Variants in COL23A1 observed in about 807,000 individuals in gnomAD.
The protein encoded by COL23A1 is collagen type XXIII alpha 1 chain, also known as collagen alpha-1(XXIII) chain.
In COL23A1, 97 loss-of-function variants were observed where a neutral mutation model predicts 99.3. The ratio of observed to expected loss-of-function variants is 0.98; its 90% CI spans 0.83 to 1.16. COL23A1 has a LOEUF of 1.16. Ranked by LOEUF, COL23A1 falls within the 50% of genes most tolerant of loss-of-function variation. The pLI is 0.00. For synonymous variants in COL23A1, 320 were observed against 308.2 expected, an observed-to-expected ratio of 1.04 and a Z score of -0.40; for missense variants, 762 against 757.4, an observed-to-expected ratio of 1.01 and a Z score of -0.07.
At chr5:178,508,467 G>A (rs1264542895) in intron 2 of COL23A1, among the ~76,000 whole-genome samples, 1 of 152,158 alleles carries the variant, frequency 6.6e-6, no homozygotes, top group African/African-American at 2.4e-5. Context: ...TTCAGAGTCT[G>A]GATCTTGTTT....
chr5:178,585,434 C>T (rs376893843), intron 1 of COL23A1, among the ~76,000 whole-genome samples: 10,289 of 126,904 alleles, frequency 0.081, 533 homozygotes, highest in East Asian at 0.31. Flanking sequence ...CCCTGGTTGA[C>T]ACTGGGGTAA....
intron 1 of COL23A1, among the ~76,000 whole-genome samples, chr5:178,578,201 T>C (rs1021089732): frequency 2.0e-5 from 3 of 151,016 alleles, no homozygotes; most frequent in African/African-American, 7.3e-5. Context: ...CGTGCACACA[T>C]ACACCCATGT....
At chr5:178,526,815 G>A (rs1760337473) in intron 2 of COL23A1, among the ~76,000 whole-genome samples, 1 of 152,174 alleles carries the variant, frequency 6.6e-6, no homozygotes, top group African/African-American at 2.4e-5. Context: ...CAGACATGGG[G>A]CTCCATAAAT....
intron 2 of COL23A1, 77 bp downstream of exon 2, chr5:178,560,605 G>C: frequency 2.2e-6 from 3 of 1,364,252 alleles, no homozygotes; most frequent in African/African-American, 2.9e-5. Context: ...CCACCTTCCG[G>C]ACCATGCTGT....
chr5:178,269,364 CACCCACCCATCT>C (rs1561809712), intron 6 of COL23A1, among the ~76,000 whole-genome samples: 2 of 38,294 alleles, frequency 5.2e-5, no homozygotes, highest in Non-Finnish European at 1.7e-4. Flanking sequence ...CCCACCCATC[CACCCACCCATCT>C]ATCCATCCAT....
Position 178,337,706 on chromosome 5 carries a change from C to T in COL23A1, c.362-30787G>A, listed in dbSNP as rs558552728. ...TCCAGGACTGCAGGCTTCCTCTGTC[C>T]CCAGAGACTGAGGCTGCTCCACAGA... On this transcript the variant is annotated intron_variant, in intron 2 of 28. Transcript: ENST00000390654. Among the ~76,000 whole-genome samples, 14 of 152,190 alleles carry T rather than the reference C, an allele frequency of 9.2e-5. No homozygotes were observed. In the East Asian group the frequency reaches 2.7e-3, roughly 29 times the overall value.
chr5:178,452,689 GAA>G (rs1208066121), intron 2 of COL23A1, among the ~76,000 whole-genome samples: 1 of 152,126 alleles, frequency 6.6e-6, no homozygotes, highest in African/African-American at 2.4e-5. Flanking sequence ...ACAGAAAAGG[GAA>G]AGAGGTTCAA....
At chr5:178,295,866 A>C (rs1335557806) in intron 3 of COL23A1, among the ~76,000 whole-genome samples, 2 of 152,230 alleles carry the variant, frequency 1.3e-5, no homozygotes, top group Non-Finnish European at 2.9e-5. Context: ...ATAGAATGGC[A>C]TGTAGTAAAA....
At chr5:178,249,411 G>A (rs918183416) in intron 18 of COL23A1, among the ~76,000 whole-genome samples, 7 of 152,226 alleles carry the variant, frequency 4.6e-5, no homozygotes, top group African/African-American at 1.2e-4. Context: ...GCATCCGGGT[G>A]TGGGCACCGC....
chr5:178,267,780 C>T lies in COL23A1; in HGVS notation c.496-447G>A, dbSNP rs138379757. Among the ~76,000 whole-genome samples the T allele has an allele frequency of 8.7e-3, 1,324 of 152,342 alleles. 13 individuals are homozygous for T. Among genetic ancestry groups the T allele is most frequent in the Non-Finnish European group, 0.012 (848 of 68,022 alleles). ...CCCTGATGGAATCACTTCTATGACA[C>T]GGTGGCATCAGCCAAGGCCGGCAGG... On this transcript the variant is annotated intron_variant, in intron 7 of 28. Transcript: ENST00000390654.
chr5:178,247,906 A>G, intron 20 of COL23A1, 75 bp from the exon 21 acceptor site: 2 of 1,304,268 alleles, frequency 1.5e-6, no homozygotes, highest in Non-Finnish European at 2.2e-6. Context: ...CTCATCGCAC[A>G]CTGCTGGATC....
At chr5:178,403,960 G>A (rs113449415) in intron 2 of COL23A1, among the ~76,000 whole-genome samples, 2 of 152,350 alleles carry the variant, frequency 1.3e-5, no homozygotes, top group African/African-American at 4.8e-5. Flanking sequence ...AAGAATGACG[G>A]ATTTTTCTAA....
rs115921548 is a variant in COL23A1 at position 178,574,512 on chromosome 5, T to C, written c.295-13764A>G. On this transcript the variant is annotated intron_variant, in intron 1 of 28. Coordinates refer to ENST00000390654, the MANE Select transcript of COL23A1 (RefSeq NM_173465.4). ...CCCTCCATTTGTCCAAGCATTCTAC[T>C]CGCCACGGGGTTGGATGCTACACAG... 3.8e-3 allele frequency among the ~76,000 whole-genome samples: 586 copies of C among 152,262 alleles called. 6 individuals are homozygous for C. Among genetic ancestry groups the C allele is most frequent in the African/African-American group, 0.013 (544 of 41,552 alleles).
intron 2 of COL23A1, among the ~76,000 whole-genome samples, chr5:178,541,337 C>T (rs1390091576): frequency 6.6e-6 from 1 of 152,200 alleles, no homozygotes; most frequent in African/African-American, 2.4e-5. Context: ...CCTGTAATCC[C>T]AGCACTTTGG....
chr5:178,546,669 A>T (rs1761597437), intron 2 of COL23A1, among the ~76,000 whole-genome samples: 1 of 152,226 alleles, frequency 6.6e-6, no homozygotes, highest in African/African-American at 2.4e-5. Flanking sequence ...ACCAAATGCA[A>T]GGATGAAGGG....
intron 2 of COL23A1, among the ~76,000 whole-genome samples, chr5:178,535,736 C>G (rs185501206): frequency 1.3e-5 from 2 of 152,260 alleles, no homozygotes; most frequent in East Asian, 1.9e-4. Context: ...GTGCCCAGCA[C>G]GAAGTGCACA....
chr5:178,498,205 AAT>A (rs1159261586), intron 2 of COL23A1, among the ~76,000 whole-genome samples: 769 of 34,226 alleles, frequency 0.022, 7 homozygotes, highest in South Asian at 0.031. Flanking sequence ...TCTTTATTTA[AAT>A]ATATATATAT....
At chr5:178,401,946 G>A (rs1764470918) in intron 2 of COL23A1, among the ~76,000 whole-genome samples, 1 of 152,106 alleles carries the variant, frequency 6.6e-6, no homozygotes. Context: ...CTCCCAAGTA[G>A]CTGGGATTAC....
chr5:178,465,860 C>T (rs1756389569), intron 2 of COL23A1, among the ~76,000 whole-genome samples: 1 of 152,164 alleles, frequency 6.6e-6, no homozygotes, highest in African/African-American at 2.4e-5. Flanking sequence ...GTGGTCAGTA[C>T]CAACCAGCGG....
Sources: gnomAD v4.1 joint callset for allele counts (sites outside exome capture counted in the v4.1 genomes callset) on GRCh38, gnomAD v4.1.1 for gene constraint, MANE v1.5 for transcripts, NCBI Gene and HGNC (gene_info 2026-07-23, HGNC 2026-07-21) for gene names.